Variants in GNGT1 observed in about 807,000 individuals in gnomAD.
GNGT1 encodes guanine nucleotide-binding protein G(T) subunit gamma-T1.
A neutral mutation model predicts 7.4 loss-of-function variants in GNGT1; 4 were observed. That is an observed-to-expected ratio of 0.54 (90% CI 0.27 to 1.24). The LOEUF (loss-of-function observed/expected upper bound fraction) is 1.24, where lower values mean the gene tolerates loss of function less well. Among genes scored for constraint, GNGT1 ranks in the 50% most tolerant of loss-of-function variants. The probability of loss-of-function intolerance (pLI) is 0.12; values close to 1 mark genes in which losing one functional copy is unlikely to be tolerated. For synonymous variants in GNGT1, 37 were observed against 30.2 expected, an observed-to-expected ratio of 1.23 and a Z score of -0.74; for missense variants, 95 against 82.4, an observed-to-expected ratio of 1.15 and a Z score of -0.59.
At chr7:93,907,867 T>C (rs1373228372) in intron 2 of GNGT1, among the ~76,000 whole-genome samples, 2 of 152,212 alleles carry the variant, frequency 1.3e-5, no homozygotes, top group Non-Finnish European at 2.9e-5. Flanking sequence ...AACGTTTTGC[T>C]GTAAAGATAA....
At chr7:93,906,991 A>C in intron 2 of GNGT1, 149 bp downstream of exon 2, 1 of 393,738 alleles carries the variant, frequency 2.5e-6, no homozygotes, top group Non-Finnish European at 4.2e-6. Context: ...ATTGATAATC[A>C]ATCATAACTA....
chr7:93,910,377 G>T (rs1487103408), intron 2 of GNGT1: 1 of 152,788 alleles, frequency 6.5e-6, no homozygotes, highest in Non-Finnish European at 1.5e-5. Flanking sequence ...TTTAGGGATG[G>T]TGATAAGCCA....
At chr7:93,909,539 C>A in intron 2 of GNGT1, 1 of 701,192 alleles carries the variant, frequency 1.4e-6, no homozygotes, top group Non-Finnish European at 2.6e-6. Flanking sequence ...TTAAGGACAG[C>A]AAGTTACACC....
intron 2 of GNGT1, among the ~76,000 whole-genome samples, chr7:93,909,088 A>G (rs946164143): frequency 2.0e-5 from 3 of 152,122 alleles, no homozygotes; most frequent in African/African-American, 7.2e-5. Flanking sequence ...GATTCATATT[A>G]TTGTGATTTT....
intron 2 of GNGT1, chr7:93,909,563 T>C: frequency 2.9e-6 from 2 of 697,114 alleles, no homozygotes. Flanking sequence ...GTTCCTGTCA[T>C]CTGGGTGAAG....
At chr7:93,910,427 T>C (rs574083834) in intron 2 of GNGT1, 1 of 153,776 alleles carries the variant, frequency 6.5e-6, no homozygotes, top group Admixed American at 6.5e-5. Flanking sequence ...CCTTTACTAG[T>C]CACATTTTTG....
At chr7:93,909,428 A>T in intron 2 of GNGT1, 2 of 699,130 alleles carry the variant, frequency 2.9e-6, no homozygotes, top group Non-Finnish European at 5.2e-6. Context: ...TTTTAAACCT[A>T]TACACATATA....
chr7:93,906,788 A>G lies in GNGT1; in HGVS notation c.42A>G (p.Lys14=). ...INIEDLTEKD[K]LKMEVDQLKK... Reference sequence around the variant, plus strand: ...TTGAGGACCTGACAGAAAAGGACAAATTGAAGATGGAAGTTGACCAGCTCA... The same window carrying G: ...TTGAGGACCTGACAGAAAAGGACAAGTTGAAGATGGAAGTTGACCAGCTCA... Residue 14 remains lysine, a synonymous_variant, in exon 2 of 3, where the codon AAA becomes AAG. Coordinates refer to ENST00000248572, the MANE Select transcript of GNGT1 (RefSeq NM_021955.5). 6.2e-7 allele frequency: 1 copy of G among 1,607,362 alleles called. No individual in the cohort carries two copies. The highest frequency in any genetic ancestry group is 8.5e-7 in the Non-Finnish European group (1 of 1,176,832).
Position 93,906,822 on chromosome 7 carries a change from G to T in GNGT1, c.76G>T (p.Val26Leu), listed in dbSNP as rs752594162. ...KMEVDQLKKE[V>L]TLERMLVSKC... ...GGAAGTTGACCAGCTCAAGAAAGAA[G>T]TGACACTGGAAAGAATGCTAGTAAG... The change falls in exon 2 of 3, where the codon GTG (valine) becomes TTG (leucine). Residue 26 changes from valine (V) to leucine (L), a missense_variant. By Grantham distance (32) the Val-to-Leu change is conservative. Transcript: ENST00000248572. The T allele has an allele frequency of 6.3e-7, 1 of 1,595,342 alleles. No homozygotes were observed. Among genetic ancestry groups the T allele is most frequent in the South Asian group, 1.1e-5 (1 of 88,832 alleles).
chr7:93,907,930 AT>A (rs1794401854), intron 2 of GNGT1, among the ~76,000 whole-genome samples: 1 of 152,166 alleles, frequency 6.6e-6, no homozygotes, highest in Admixed American at 6.6e-5. Context: ...TAAAGTCCTT[AT>A]TTTTACAATT....
intron 2 of GNGT1, chr7:93,909,799 CA>C (rs1393090212): frequency 1.2e-5 from 3 of 254,844 alleles, no homozygotes; most frequent in Admixed American, 5.4e-5. Flanking sequence ...AGTCTTATAT[CA>C]AATGTTCCTT....
intron 2 of GNGT1, chr7:93,909,785 C>A: frequency 6.8e-6 from 2 of 292,640 alleles, no homozygotes; most frequent in Non-Finnish European, 1.2e-5. Context: ...ATAAAATAAT[C>A]TTAAGTCTTA....
At chr7:93,906,976 A>G in intron 2 of GNGT1, 134 bp downstream of exon 2, 1 of 505,938 alleles carries the variant, frequency 2.0e-6, no homozygotes, top group Non-Finnish European at 3.4e-6. Context: ...TCAAAGATTA[A>G]GAAAATTGAT....
chr7:93,907,180 G>C (rs1374955092), intron 2 of GNGT1, among the ~76,000 whole-genome samples: 2 of 150,912 alleles, frequency 1.3e-5, no homozygotes, highest in Middle Eastern at 6.9e-3. Flanking sequence ...GAAAAAGAAG[G>C]AAAGAAAGAA....
At chr7:93,906,924 G>A (rs1584089518) in intron 2 of GNGT1, 82 bp downstream of exon 2, 3 of 709,576 alleles carry the variant, frequency 4.2e-6, no homozygotes, top group Non-Finnish European at 7.0e-6. Context: ...TGGCTGGAAA[G>A]GCTCAATGTA....
At chr7:93,908,995 G>C (rs1169103771) in intron 2 of GNGT1, among the ~76,000 whole-genome samples, 2 of 152,146 alleles carry the variant, frequency 1.3e-5, no homozygotes, top group Admixed American at 6.5e-5. Flanking sequence ...AAAGCTCTGA[G>C]AACAATGCCT....
At chr7:93,909,522 T>A in intron 2 of GNGT1, 2 of 701,968 alleles carry the variant, frequency 2.8e-6, no homozygotes, top group Non-Finnish European at 5.2e-6. Flanking sequence ...CCTTATGGAC[T>A]ACTGAATTAA....
chr7:93,906,683 C>A, intron 1 of GNGT1, 39 bp downstream of exon 1: 1 of 909,412 alleles, frequency 1.1e-6, no homozygotes, highest in South Asian at 1.4e-5. Context: ...CTAAGACTGA[C>A]TTGAAATAAC....
chr7:93,907,126 G>GAAGA (rs1206345911), intron 2 of GNGT1, among the ~76,000 whole-genome samples: 2 of 148,486 alleles, frequency 1.3e-5, no homozygotes, highest in East Asian at 2.0e-4. Flanking sequence ...AAAGAGAAGG[G>GAAGA]AAGAAAGAAA....
Sources: gnomAD v4.1 joint callset for allele counts (sites outside exome capture counted in the v4.1 genomes callset) on GRCh38, gnomAD v4.1.1 for gene constraint, MANE v1.5 for transcripts, NCBI Gene and HGNC (gene_info 2026-07-23, HGNC 2026-07-21) for gene names.